MAP3K13: variants seen among roughly 807,000 people sequenced by gnomAD.
MAP3K13 encodes the protein mitogen-activated protein kinase kinase kinase 13.
Under a neutral mutation model 104.0 loss-of-function variants are expected in MAP3K13, and 52 were observed. The observed-to-expected ratio is 0.50, with a 90% CI of 0.40 to 0.63. MAP3K13 has a LOEUF of 0.63. Ranked by LOEUF, MAP3K13 falls within the 20% of genes least tolerant of loss-of-function variation. The probability of loss-of-function intolerance (pLI) is 0.00; values close to 1 mark genes in which losing one functional copy is unlikely to be tolerated. For missense variants in MAP3K13, 914 were observed against 1,218.5 expected (o/e 0.75, Z 3.72); for synonymous variants, 394 against 442.2 (o/e 0.89, Z 1.37).
chr3:185,417,051 C>A (rs1713822723), intron 1 of MAP3K13, among the ~76,000 whole-genome samples: 1 of 151,604 alleles, frequency 6.6e-6, no homozygotes, highest in Non-Finnish European at 1.5e-5. Context: ...TCCTAGAGTT[C>A]CAAAAAAGAG....
At chr3:185,481,266 G>A (rs1387655798) in intron 13 of MAP3K13, 2 of 152,256 alleles carry the variant, frequency 1.3e-5, no homozygotes, top group Non-Finnish European at 2.9e-5. Flanking sequence ...TCACTTTAGG[G>A]TCAGGAGTTC....
At chr3:185,350,435 C>T (rs1346262834) in intron 2 of MAP3K13, among the ~76,000 whole-genome samples, 3 of 152,198 alleles carry the variant, frequency 2.0e-5, no homozygotes, top group Admixed American at 2.0e-4. Context: ...GATCCACCTG[C>T]CTTGGCATCC....
chr3:185,330,583 T>A (rs922738261), intron 2 of MAP3K13, among the ~76,000 whole-genome samples: 2 of 151,768 alleles, frequency 1.3e-5, no homozygotes, highest in Non-Finnish European at 2.9e-5. Context: ...GGCTGGGGGG[T>A]GTCCTGGGAA....
At chr3:185,406,296 A>G (rs1322135601) in intron 1 of MAP3K13, among the ~76,000 whole-genome samples, 1 of 152,190 alleles carries the variant, frequency 6.6e-6, no homozygotes, top group African/African-American at 2.4e-5. Flanking sequence ...ATTAAATTGT[A>G]CTGCCATGTC....
intron 2 of MAP3K13, among the ~76,000 whole-genome samples, chr3:185,330,243 G>C (rs971160860): frequency 6.6e-6 from 1 of 151,930 alleles, no homozygotes; most frequent in African/African-American, 2.4e-5. Context: ...GCTCAGAAGA[G>C]AGATTATTTA....
At chr3:185,405,343 G>T (rs1577516935) in intron 1 of MAP3K13, among the ~76,000 whole-genome samples, 1 of 152,208 alleles carries the variant, frequency 6.6e-6, no homozygotes, top group Admixed American at 6.5e-5. Flanking sequence ...CATAAGTAAT[G>T]AGTAATGTTT....
chr3:185,326,830 A>T (rs530985023), intron 2 of MAP3K13, among the ~76,000 whole-genome samples: 21 of 152,282 alleles, frequency 1.4e-4, no homozygotes, highest in East Asian at 9.7e-4. Context: ...AATAATCTTG[A>T]TTTGCATTTA....
intron 2 of MAP3K13, among the ~76,000 whole-genome samples, chr3:185,352,052 C>T (rs141429822): frequency 4.0e-4 from 61 of 152,326 alleles, no homozygotes; most frequent in African/African-American, 1.3e-3. Context: ...CACTCACTCA[C>T]ATCTCATTGA....
At chr3:185,293,116 T>A in intron 2 of MAP3K13, 1 of 850,586 alleles carries the variant, frequency 1.2e-6, no homozygotes, top group Non-Finnish European at 1.4e-6. Flanking sequence ...TTCCTTTTCC[T>A]TTTTCTTTTT....
At chr3:185,323,731 A>G (rs923018009) in intron 2 of MAP3K13, among the ~76,000 whole-genome samples, 1 of 152,136 alleles carries the variant, frequency 6.6e-6, no homozygotes, top group Non-Finnish European at 1.5e-5. Context: ...TCTTTTGCCA[A>G]CAATGCTGCA....
intron 2 of MAP3K13, among the ~76,000 whole-genome samples, chr3:185,345,353 GA>G (rs954555264): frequency 3.3e-5 from 5 of 152,140 alleles, no homozygotes; most frequent in African/African-American, 1.2e-4. Context: ...TCACTCTAGT[GA>G]AAAGACACAC....
chr3:185,445,292 G>C (rs1715534878), intron 4 of MAP3K13, among the ~76,000 whole-genome samples: 1 of 152,094 alleles, frequency 6.6e-6, no homozygotes, highest in African/African-American at 2.4e-5. Context: ...TCCATGGACG[G>C]TATAAATCAA....
intron 1 of MAP3K13, among the ~76,000 whole-genome samples, chr3:185,406,665 A>T (rs1443827532): frequency 6.6e-6 from 1 of 152,246 alleles, no homozygotes; most frequent in Admixed American, 6.5e-5. Context: ...AGATTTTGGT[A>T]CTATTCTAGC....
At chr3:185,302,808 A>C (rs1262414929) in intron 2 of MAP3K13, among the ~76,000 whole-genome samples, 1 of 152,116 alleles carries the variant, frequency 6.6e-6, no homozygotes, top group Non-Finnish European at 1.5e-5. Flanking sequence ...CTTTCTTTCC[A>C]ATTTACATGC....
chr3:185,458,896 C>T (rs1716929922), intron 7 of MAP3K13, among the ~76,000 whole-genome samples: 1 of 152,228 alleles, frequency 6.6e-6, no homozygotes, highest in Non-Finnish European at 1.5e-5. Context: ...ATGTTAGATT[C>T]TGCCAAAGCT....
At chr3:185,318,009 T>C (rs1721736521) in intron 2 of MAP3K13, among the ~76,000 whole-genome samples, 1 of 152,014 alleles carries the variant, frequency 6.6e-6, no homozygotes, top group Non-Finnish European at 1.5e-5. Context: ...TGTGTAAACA[T>C]TAACCTATCT....
intron 1 of MAP3K13, among the ~76,000 whole-genome samples, chr3:185,400,388 CTATT>C (rs563331234): frequency 7.9e-5 from 12 of 152,222 alleles, no homozygotes; most frequent in Non-Finnish European, 1.8e-4. Flanking sequence ...TACATGGTAA[CTATT>C]TATTCATCCA....
chr3:185,340,909 T>C (rs1334685741), intron 2 of MAP3K13, among the ~76,000 whole-genome samples: 1 of 152,174 alleles, frequency 6.6e-6, no homozygotes, highest in African/African-American at 2.4e-5. Context: ...GTTAAACATC[T>C]TTCCTTTATA....
chr3:185,361,388 G>GT (rs1400378238), upstream of MAP3K13, among the ~76,000 whole-genome samples: 6 of 147,922 alleles, frequency 4.1e-5, no homozygotes, highest in African/African-American at 1.5e-4. Context: ...CCATTTGTTC[G>GT]TTTTTTGTTT....
Sources: gnomAD v4.1 joint callset for allele counts (sites outside exome capture counted in the v4.1 genomes callset) on GRCh38, gnomAD v4.1.1 for gene constraint, MANE v1.5 for transcripts, NCBI Gene and HGNC (gene_info 2026-07-23, HGNC 2026-07-21) for gene names.